The following CRIM1 variants were observed in gnomAD, a reference collection of about 807,000 sequenced individuals.
CRIM1 encodes the protein cysteine rich transmembrane BMP regulator 1, also known as cysteine-rich motor neuron 1 protein.
A neutral mutation model predicts 116.4 loss-of-function variants in CRIM1; 32 were observed. That is an observed-to-expected ratio of 0.27 (90% confidence interval 0.21 to 0.37). CRIM1 has a LOEUF of 0.37. Ranked by LOEUF, CRIM1 falls within the 10% of genes least tolerant of loss-of-function variation. CRIM1 has a pLI of 1.00. For missense variants in CRIM1, 1,331 were observed against 1,354.8 expected, an observed-to-expected ratio of 0.98 and a Z score of 0.28; for synonymous variants, 590 against 509.2, an observed-to-expected ratio of 1.16 and a Z score of -2.13.
chr2:36,531,242 C>A (rs1461946699), intron 13 of CRIM1, among the ~76,000 whole-genome samples: 1 of 152,194 alleles, frequency 6.6e-6, no homozygotes, highest in Non-Finnish European at 1.5e-5. Context: ...TTCATGACCA[C>A]CAGATTTAGA....
chr2:36,364,735 A>T (rs2148287187), intron 1 of CRIM1, among the ~76,000 whole-genome samples: 1 of 152,228 alleles, frequency 6.6e-6, no homozygotes, highest in South Asian at 2.1e-4. Context: ...CAGTTCCCTC[A>T]TCTGTGAAAC....
chr2:36,479,184 C>G (rs967605659), intron 6 of CRIM1, among the ~76,000 whole-genome samples: 6 of 152,232 alleles, frequency 3.9e-5, no homozygotes, highest in African/African-American at 1.4e-4. Context: ...GTCATGTTTT[C>G]TAATTACCAA....
rs543432941 is a variant in CRIM1 at position 36,360,702 on chromosome 2, G to C, written c.331+4079G>C. ...TGCTCCAGAAAGCAGGCTGCAGGAG[G>C]CCAGATAATGAACCCAAACATTTCA... On this transcript the variant is annotated intron_variant, in intron 1 of 16. Coordinates refer to ENST00000280527, the MANE Select transcript of CRIM1 (RefSeq NM_016441.3). Among the ~76,000 whole-genome samples the C allele has an allele frequency of 2.6e-5, 4 of 152,200 alleles. No individual in the cohort carries two copies. The South Asian group carries it at 8.3e-4, about 32-fold the overall frequency.
At chr2:36,513,024 C>A (rs1664795517) in intron 10 of CRIM1, among the ~76,000 whole-genome samples, 1 of 152,178 alleles carries the variant, frequency 6.6e-6, no homozygotes, top group African/African-American at 2.4e-5. Context: ...CAGCATGATG[C>A]ACAGATTAAA....
intron 1 of CRIM1, among the ~76,000 whole-genome samples, chr2:36,367,936 G>A (rs1669702628): frequency 6.6e-6 from 1 of 152,144 alleles, no homozygotes; most frequent in Non-Finnish European, 1.5e-5. Flanking sequence ...AGACTATGAG[G>A]TAGGTAGGTG....
At chr2:36,431,006 T>C (rs1325796680) in intron 2 of CRIM1, among the ~76,000 whole-genome samples, 1 of 152,168 alleles carries the variant, frequency 6.6e-6, no homozygotes, top group Non-Finnish European at 1.5e-5. Context: ...AGAGAAAGTA[T>C]TGGAAGCTGA....
chr2:36,369,581 A>G (rs1026585492), intron 1 of CRIM1, among the ~76,000 whole-genome samples: 11 of 152,206 alleles, frequency 7.2e-5, no homozygotes, highest in African/African-American at 2.7e-4. Context: ...ACCTGCAAAC[A>G]TTTCTACAGA....
intron 13 of CRIM1, among the ~76,000 whole-genome samples, chr2:36,525,400 C>G (rs949116777): frequency 6.6e-6 from 1 of 152,156 alleles, no homozygotes; most frequent in Non-Finnish European, 1.5e-5. Context: ...AGCTTGGTCC[C>G]TATATAAGGG....
At chr2:36,488,946 C>A (rs1359432849) in intron 7 of CRIM1, among the ~76,000 whole-genome samples, 1 of 152,138 alleles carries the variant, frequency 6.6e-6, no homozygotes, top group East Asian at 1.9e-4. Context: ...ATTTGCAAGC[C>A]ACCGCTCGAC....
intron 2 of CRIM1, among the ~76,000 whole-genome samples, chr2:36,399,406 G>A (rs963282356): frequency 1.3e-5 from 2 of 152,192 alleles, no homozygotes; most frequent in African/African-American, 4.8e-5. Context: ...GACTAGAGTG[G>A]CAGCAGGAAA....
rs1302988610 is a variant in CRIM1, at chr2:36,437,003, A to AT, written c.506-4253dup. On this transcript the variant is annotated intron_variant, in intron 2 of 16. Transcript: ENST00000280527. ...TTGAAATATTCAAAGCATAATTAAA[A>AT]TTGTTTGTATAATAACTCTTTAAGA... Among the ~76,000 whole-genome samples the AT allele has an allele frequency of 2.3e-4, 35 of 152,386 alleles. 1 individual carries two copies. The highest frequency in any genetic ancestry group is 8.4e-4 in the African/African-American group (35 of 41,584).
chr2:36,432,672 G>A (rs142284502), intron 2 of CRIM1, among the ~76,000 whole-genome samples: 10 of 152,108 alleles, frequency 6.6e-5, no homozygotes, highest in South Asian at 4.2e-4. Flanking sequence ...AGTTGGATCC[G>A]ATTTCCTAAG....
At chr2:36,480,330 G>T (rs548415506) in intron 7 of CRIM1, among the ~76,000 whole-genome samples, 2 of 152,190 alleles carry the variant, frequency 1.3e-5, no homozygotes, top group Non-Finnish European at 2.9e-5. Flanking sequence ...ATCCTGGGAA[G>T]ATTCTCTGCA....
chr2:36,388,832 A>G (rs1230595955), intron 1 of CRIM1, among the ~76,000 whole-genome samples: 3 of 152,220 alleles, frequency 2.0e-5, no homozygotes, highest in Non-Finnish European at 4.4e-5. Flanking sequence ...GTGTATGATG[A>G]AAAGTACAGC....
At chr2:36,515,442 C>T (rs1664974275) in intron 11 of CRIM1, among the ~76,000 whole-genome samples, 1 of 152,230 alleles carries the variant, frequency 6.6e-6, no homozygotes, top group South Asian at 2.1e-4. Context: ...TAAATGTTTT[C>T]TGCAAATCTT....
chr2:36,453,786 A>G (rs1297428016), intron 4 of CRIM1, among the ~76,000 whole-genome samples: 2 of 152,228 alleles, frequency 1.3e-5, no homozygotes, highest in African/African-American at 4.8e-5. Context: ...TAGCAAAGCA[A>G]ACACATGCTA....
intron 5 of CRIM1, among the ~76,000 whole-genome samples, chr2:36,469,238 A>G (rs1296178747): frequency 2.0e-5 from 3 of 152,178 alleles, no homozygotes; most frequent in Non-Finnish European, 4.4e-5. Flanking sequence ...TGTATGGCAC[A>G]ACTAGCCAAA....
At chr2:36,478,762 A>G (rs1679180163) in intron 6 of CRIM1, among the ~76,000 whole-genome samples, 1 of 152,208 alleles carries the variant, frequency 6.6e-6, no homozygotes, top group Non-Finnish European at 1.5e-5. Flanking sequence ...TGAGTAATTT[A>G]TCTGGTTGCT....
At chr2:36,388,857 TTAA>T in intron 1 of CRIM1, among the ~76,000 whole-genome samples, 1 of 152,242 alleles carries the variant, frequency 6.6e-6, no homozygotes, top group Non-Finnish European at 1.5e-5. Context: ...GGACATATAC[TTAA>T]TAACAAATAT....
Sources: allele counts gnomAD v4.1 joint callset (sites outside exome capture counted in the v4.1 genomes callset), GRCh38; gene constraint gnomAD v4.1.1; transcripts MANE v1.5; gene names NCBI Gene and HGNC (gene_info 2026-07-23, HGNC 2026-07-21).